The following PPP2R2B variants were observed in gnomAD, a reference collection of about 807,000 sequenced individuals.
PPP2R2B encodes serine/threonine-protein phosphatase 2A 55 kDa regulatory subunit B beta isoform.
In PPP2R2B, 5 loss-of-function variants were observed where a neutral mutation model predicts 46.0. The ratio of observed to expected loss-of-function variants is 0.11; its 90% CI spans 0.06 to 0.23. The LOEUF is 0.23. Among genes scored for constraint, PPP2R2B ranks in the 10% least tolerant of loss-of-function variants. PPP2R2B has a pLI of 1.00. For missense variants in PPP2R2B, 367 were observed against 575.0 expected (o/e 0.64, Z 3.70); for synonymous variants, 215 against 206.7 (o/e 1.04, Z -0.34).
chr5:146,916,059 A>G (rs1323020021), intron 1 of PPP2R2B, among the ~76,000 whole-genome samples: 1 of 152,204 alleles, frequency 6.6e-6, no homozygotes, highest in East Asian at 1.9e-4. Context: ...TGAAGACAAT[A>G]CATTAGTATA....
intron 8 of PPP2R2B, among the ~76,000 whole-genome samples, chr5:146,599,657 T>C (rs1180469544): frequency 6.6e-6 from 1 of 152,190 alleles, no homozygotes; most frequent in Admixed American, 6.5e-5. Context: ...ACTGTGTTTT[T>C]AATTATTACA....
At chr5:146,916,686 A>G (rs1582419988) in intron 1 of PPP2R2B, among the ~76,000 whole-genome samples, 1 of 152,116 alleles carries the variant, frequency 6.6e-6, no homozygotes, top group Non-Finnish European at 1.5e-5. Context: ...GATTCTTGCT[A>G]TGTAGTTGAG....
At chr5:146,840,479 T>A (rs572249522) in intron 2 of PPP2R2B, among the ~76,000 whole-genome samples, 29 of 152,344 alleles carry the variant, frequency 1.9e-4, no homozygotes, top group African/African-American at 7.0e-4. Context: ...AATAACCAAA[T>A]TAATCTCTCC....
At chr5:146,931,163 T>A (rs1245430468) in intron 1 of PPP2R2B, among the ~76,000 whole-genome samples, 1 of 152,158 alleles carries the variant, frequency 6.6e-6, no homozygotes, top group East Asian at 1.9e-4. Context: ...GAAAGTGATA[T>A]CTCTGTAACG....
chr5:146,601,281 C>T (rs887400256), intron 7 of PPP2R2B, among the ~76,000 whole-genome samples: 1 of 152,144 alleles, frequency 6.6e-6, no homozygotes, highest in Admixed American at 6.6e-5. Flanking sequence ...GTTTTCATTT[C>T]TCTTGTTGGC....
rs1432893 is a variant in PPP2R2B, at chr5:146,817,266, G to A, written c.70+60736C>T. Among the ~76,000 whole-genome samples the A allele has an allele frequency of 4.5e-3, 688 of 152,148 alleles. 4 individuals are homozygous for A. Among genetic ancestry groups the A allele is most frequent in the African/African-American group, 0.016 (664 of 41,482 alleles). On this transcript the variant is annotated intron_variant, in intron 2 of 9. Coordinates refer to ENST00000394411, the MANE Select transcript of PPP2R2B (RefSeq NM_181675.4). ...TTATGCAAATCTCCTCTTTCCCAAG[G>A]TAAACATTCCCAATGTCATCAACCA...
chr5:146,802,990 A>G (rs1042188028), intron 2 of PPP2R2B, among the ~76,000 whole-genome samples: 1 of 152,178 alleles, frequency 6.6e-6, no homozygotes, highest in Non-Finnish European at 1.5e-5. Flanking sequence ...CTGGAACCAG[A>G]GCCATAAAGA....
intron 4 of PPP2R2B, among the ~76,000 whole-genome samples, chr5:146,693,613 A>G (rs1215380462): frequency 2.6e-5 from 4 of 152,252 alleles, no homozygotes; most frequent in Non-Finnish European, 2.9e-5. Context: ...TAAGCAAAAA[A>G]TAATTTAGTA....
chr5:146,862,085 A>G (rs1278770233), intron 2 of PPP2R2B, among the ~76,000 whole-genome samples: 1 of 152,240 alleles, frequency 6.6e-6, no homozygotes, highest in East Asian at 1.9e-4. Flanking sequence ...TAGCCAGTAC[A>G]GTTTCCAAGT....
intron 1 of PPP2R2B, among the ~76,000 whole-genome samples, chr5:147,028,448 T>C (rs1478445189): frequency 1.3e-5 from 2 of 152,206 alleles, no homozygotes; most frequent in South Asian, 2.1e-4. Flanking sequence ...CATTCCCCAT[T>C]TTATCCCAAA....
upstream of PPP2R2B, among the ~76,000 whole-genome samples, chr5:147,060,020 A>G (rs1757210806): frequency 6.6e-6 from 1 of 152,182 alleles, no homozygotes; most frequent in Non-Finnish European, 1.5e-5. Flanking sequence ...TTTTGCTATG[A>G]AAGAAACTAA....
At chr5:146,680,061 C>T (rs1197113705) in intron 5 of PPP2R2B, among the ~76,000 whole-genome samples, 4 of 150,438 alleles carry the variant, frequency 2.7e-5, no homozygotes, top group African/African-American at 9.8e-5. Flanking sequence ...ACCCAAAGGA[C>T]TATAAATCAT....
intron 2 of PPP2R2B, among the ~76,000 whole-genome samples, chr5:146,850,173 A>G (rs1332807591): frequency 6.6e-6 from 1 of 152,134 alleles, no homozygotes; most frequent in Non-Finnish European, 1.5e-5. Flanking sequence ...GCTCATCTTG[A>G]ATCTTTTGCC....
upstream of PPP2R2B, among the ~76,000 whole-genome samples, chr5:147,060,781 C>A (rs1223390397): frequency 3.9e-5 from 6 of 152,148 alleles, no homozygotes; most frequent in South Asian, 1.0e-3. Context: ...GCTTAGAATT[C>A]TTTGATAATT....
chr5:146,642,333 T>C (rs891212890), intron 6 of PPP2R2B, among the ~76,000 whole-genome samples: 1 of 152,162 alleles, frequency 6.6e-6, no homozygotes, highest in African/African-American at 2.4e-5. Flanking sequence ...CAGTGTGGGA[T>C]GAGGGAATGG....
At chr5:146,982,816 T>G (rs975644260) in intron 1 of PPP2R2B, among the ~76,000 whole-genome samples, 1 of 152,154 alleles carries the variant, frequency 6.6e-6, no homozygotes, top group Non-Finnish European at 1.5e-5. Context: ...TTTATTTGCT[T>G]TAGAGTCTAC....
At chr5:146,997,297 A>T (rs1753965801) in intron 1 of PPP2R2B, among the ~76,000 whole-genome samples, 1 of 152,214 alleles carries the variant, frequency 6.6e-6, no homozygotes, top group East Asian at 1.9e-4. Flanking sequence ...ATCCTTTTCC[A>T]GAGCCACTCT....
intron 1 of PPP2R2B, among the ~76,000 whole-genome samples, chr5:146,957,247 A>T (rs977177373): frequency 2.0e-5 from 3 of 152,196 alleles, no homozygotes; most frequent in Non-Finnish European, 4.4e-5. Context: ...TCTAGATTCT[A>T]TGCCCAGCAA....
chr5:146,921,309 A>T (rs1462960554), intron 1 of PPP2R2B, among the ~76,000 whole-genome samples: 2 of 152,214 alleles, frequency 1.3e-5, no homozygotes, highest in African/African-American at 2.4e-5. Flanking sequence ...AGCTGAACAG[A>T]TTATCAAATG....
Sources: allele counts gnomAD v4.1 joint callset (sites outside exome capture counted in the v4.1 genomes callset), GRCh38; gene constraint gnomAD v4.1.1; transcripts MANE v1.5; gene names NCBI Gene and HGNC (gene_info 2026-07-23, HGNC 2026-07-21).